UBXN6: variants seen among roughly 807,000 people sequenced by gnomAD.
UBXN6 encodes the protein UBX domain-containing protein 6.
Under a neutral mutation model 51.4 loss-of-function variants are expected in UBXN6, and 44 were observed. The observed-to-expected ratio is 0.86, with a 90% CI of 0.67 to 1.10. The LOEUF (loss-of-function observed/expected upper bound fraction) is 1.10, where lower values mean the gene tolerates loss of function less well. Ranked by LOEUF, UBXN6 falls within the 50% of genes least tolerant of loss-of-function variation. The pLI is 0.00. For missense variants in UBXN6, 672 were observed against 596.1 expected (o/e 1.13, Z -1.32); for synonymous variants, 316 against 263.2 (o/e 1.20, Z -1.94).
chr19:4,453,731 C>T (rs552071112), intron 2 of UBXN6, among the ~76,000 whole-genome samples, 199 bp downstream of exon 2: 1 of 152,174 alleles, frequency 6.6e-6, no homozygotes, highest in African/African-American at 2.4e-5. Context: ...CTGGGCAGCC[C>T]GTTTCTGCTC....
intron 4 of UBXN6, chr19:4,450,923 T>G (rs1334505676): frequency 6.6e-6 from 1 of 152,212 alleles, no homozygotes; most frequent in Non-Finnish European, 1.5e-5. Flanking sequence ...TATTTTCACC[T>G]ACCAACAGGC....
At chr19:4,456,878 T>C (rs1974746671) in intron 1 of UBXN6, among the ~76,000 whole-genome samples, 1 of 151,800 alleles carries the variant, frequency 6.6e-6, no homozygotes, top group South Asian at 2.1e-4. Context: ...ATCCCTCACC[T>C]CCACTCTCCT....
chr19:4,445,675 G>A (rs780823252), intron 10 of UBXN6, 52 bp from the exon 11 acceptor site: 16 of 1,585,520 alleles, frequency 1.0e-5, no homozygotes, highest in Admixed American at 8.5e-5. Flanking sequence ...CCCTTGCCGC[G>A]GCAGGGAACT....
At chr19:4,451,073 A>C (rs950429066) in intron 4 of UBXN6, among the ~76,000 whole-genome samples, 2 of 152,034 alleles carry the variant, frequency 1.3e-5, no homozygotes, top group Non-Finnish European at 2.9e-5. Context: ...TTTTAAGATG[A>C]AGTTTCGCTC....
rs1174259590 is a variant in UBXN6, at chr19:4,448,304, G to C, written c.539+14C>G. 6.3e-7 allele frequency: 1 copy of C among 1,594,426 alleles called. No individual in the cohort carries two copies. Among genetic ancestry groups the C allele is most frequent in the Admixed American group, 1.7e-5 (1 of 57,232 alleles). On this transcript the variant is annotated intron_variant, in intron 5 of 10. Coordinates refer to ENST00000301281, the MANE Select transcript of UBXN6 (RefSeq NM_025241.3). ...CTGGAGGGGCCAGGCAGGGCAAAGGGGCCACACGCTCACTTGGCAATGGTG... is the reference window on the plus strand; with the variant it reads ...CTGGAGGGGCCAGGCAGGGCAAAGGCGCCACACGCTCACTTGGCAATGGTG...
Position 4,445,182 on chromosome 19 carries a change from C to A in UBXN6, c.*316G>T. ...ACAGGACCCATGCTGCAGGCCTGCT[C>A]TCCTGCCCAGGGAGATGCCACGTGT... On this transcript the variant is annotated 3_prime_UTR_variant, in exon 11 of 11. Transcript: ENST00000301281. 2.8e-6 allele frequency: 1 copy of A among 351,654 alleles called. No homozygotes were observed. The highest frequency in any genetic ancestry group is 5.4e-6 in the Non-Finnish European group (1 of 184,988). 21.8% of individuals were successfully genotyped at this position (351,654 alleles called of 1,614,324 possible).
At position 4,457,668 on chromosome 19, in the gene UBXN6, G is replaced by C. The variant is rs771729797; in HGVS notation, c.30C>G (p.Ala10=). 5 of 1,599,694 alleles carry C rather than the reference G, an allele frequency of 3.1e-6. No individual in the cohort carries two copies. The Admixed American group carries it at 8.4e-5, about 27-fold the overall frequency. ...GTCCCGCGCTCTTGAACTTGATGTCGGCCTTGAACTCCTGAAAGAATTTCT... is the reference window on the plus strand; with the variant it reads ...GTCCCGCGCTCTTGAACTTGATGTCCGCCTTGAACTCCTGAAAGAATTTCT... MKKFFQEFK[A]DIKFKSAGPG... The change falls in exon 1 of 11, where the codon GCC becomes GCG. Residue 10 remains alanine, a synonymous_variant. Transcript: ENST00000301281.
chr19:4,445,835 C>A, intron 10 of UBXN6: 1 of 1,045,172 alleles, frequency 9.6e-7, no homozygotes, highest in Non-Finnish European at 1.3e-6. Context: ...CACGTCACCG[C>A]TCCCATTTGA....
At chr19:4,455,679 C>T (rs921076704) in intron 1 of UBXN6, among the ~76,000 whole-genome samples, 3 of 152,174 alleles carry the variant, frequency 2.0e-5, no homozygotes, top group Non-Finnish European at 4.4e-5. Context: ...TCTTCCCACA[C>T]CCCAGCTGCT....
At chr19:4,445,938 A>C in intron 10 of UBXN6, 111 bp downstream of exon 10, 1 of 1,480,200 alleles carries the variant, frequency 6.8e-7, no homozygotes. Flanking sequence ...GGACCTGCCC[A>C]GGCCCCCTGC....
intron 8 of UBXN6, 43 bp downstream of exon 8, chr19:4,446,457 C>A (rs767870865): frequency 6.3e-7 from 1 of 1,582,168 alleles, no homozygotes; most frequent in South Asian, 1.1e-5. Context: ...GGGGTTCTTC[C>A]ACCCCGCCCC....
intron 5 of UBXN6, 133 bp from the exon 6 acceptor site, chr19:4,447,758 G>T (rs1293752408): frequency 4.7e-6 from 4 of 857,588 alleles, no homozygotes; most frequent in South Asian, 2.8e-5. Flanking sequence ...GCCCAGTGAC[G>T]CGAGGGCAGC....
rs1974542293 is a variant in UBXN6, at chr19:4,446,861, C to T, written c.675G>A (p.Lys225=). 5 of 1,613,982 alleles carry T rather than the reference C, an allele frequency of 3.1e-6. No individual in the cohort carries two copies. The highest frequency in any genetic ancestry group is 2.2e-5 in the South Asian group (2 of 91,092). Residue 225 remains lysine (K), a synonymous_variant, in exon 7 of 11, where the codon AAG becomes AAA. Coordinates refer to ENST00000301281, the MANE Select transcript of UBXN6 (RefSeq NM_025241.3). The part of the protein sequence containing the change: ...HEFFEAIGFQ[K]VLLPAQDQED... Reference sequence around the variant, plus strand: ...CCTGATCCTGGGCGGGAAGCAACACCTTCTGGAACCCAATGGCCTCAAAAA... The same window carrying T: ...CCTGATCCTGGGCGGGAAGCAACACTTTCTGGAACCCAATGGCCTCAAAAA...
At chr19:4,453,628 C>A in intron 2 of UBXN6, 106 bp from the exon 3 acceptor site, 2 of 1,344,238 alleles carry the variant, frequency 1.5e-6, no homozygotes, top group South Asian at 1.3e-5. Flanking sequence ...CCACGCACAC[C>A]GCCCCAGCCT....
chr19:4,445,681 G>GA, intron 10 of UBXN6, 58 bp from the exon 11 acceptor site: 1 of 1,581,024 alleles, frequency 6.3e-7, no homozygotes, highest in Non-Finnish European at 8.6e-7. Context: ...CCGCGGCAGG[G>GA]AACTCAGCGG....
At chr19:4,453,901 A>T in intron 2 of UBXN6, 29 bp downstream of exon 2, 1 of 1,601,504 alleles carries the variant, frequency 6.2e-7, no homozygotes. Context: ...AACAGCCCCA[A>T]CCTGGGCCCG....
intron 5 of UBXN6, 80 bp downstream of exon 5, chr19:4,448,238 A>T: frequency 7.7e-7 from 1 of 1,304,020 alleles, no homozygotes; most frequent in Non-Finnish European, 1.1e-6. Context: ...TGAGGGGGCC[A>T]GAGGGGGTGA....
intron 1 of UBXN6, chr19:4,454,983 G>A (rs1974719830): frequency 6.4e-6 from 1 of 155,218 alleles, no homozygotes; most frequent in Admixed American, 6.5e-5. Context: ...ACCCTGGGGA[G>A]AGCGGACAGC....
chr19:4,448,823 A>C, intron 4 of UBXN6: 1 of 213,198 alleles, frequency 4.7e-6, no homozygotes, highest in Non-Finnish European at 9.6e-6. Context: ...CAGCCCCATG[A>C]TGGACGTTCT....
Sources: allele counts gnomAD v4.1 joint callset (sites outside exome capture counted in the v4.1 genomes callset), GRCh38; gene constraint gnomAD v4.1.1; transcripts MANE v1.5; gene names NCBI Gene and HGNC (gene_info 2026-07-23, HGNC 2026-07-21).